Variants in SAR1A observed in about 807,000 individuals in gnomAD.
SAR1A encodes the protein secretion associated Ras related GTPase 1A.
A neutral mutation model predicts 22.6 loss-of-function variants in SAR1A; 6 were observed. That is an observed-to-expected ratio of 0.27 (90% confidence interval 0.15 to 0.52). The LOEUF (loss-of-function observed/expected upper bound fraction) is 0.52. SAR1A is among the 20% of genes least tolerant of loss of function. SAR1A has a pLI of 0.96. For missense variants in SAR1A, 145 were observed against 245.1 expected, an observed-to-expected ratio of 0.59 and a Z score of 2.73; for synonymous variants, 70 against 82.2, an observed-to-expected ratio of 0.85 and a Z score of 0.80.
At chr10:70,166,497 G>A (rs944399097) in intron 1 of SAR1A, among the ~76,000 whole-genome samples, 7 of 152,106 alleles carry the variant, frequency 4.6e-5, no homozygotes, top group Non-Finnish European at 7.3e-5. Flanking sequence ...AAATTCTACT[G>A]GCCAGCACCA....
In SAR1A at chr10:70,151,300, G is replaced by A; in HGVS notation, c.*1176C>T. 1.9e-5 allele frequency: 2 copies of A among 106,580 alleles called. No individual in the cohort carries two copies. The highest frequency in any genetic ancestry group is 1.0e-4 in the Admixed American group (1 of 9,542). 6.6% of individuals were successfully genotyped at this position (106,580 alleles called of 1,614,324 possible). Reference sequence around the variant, plus strand: ...AAAAAAAAAACCTGGAAAAGCTACAGATGTTAACCTTTACTTTAAACACCA... The same window carrying A: ...AAAAAAAAAACCTGGAAAAGCTACAAATGTTAACCTTTACTTTAAACACCA... On this transcript the variant is annotated 3_prime_UTR_variant, in exon 7 of 7. Coordinates refer to ENST00000373241, the MANE Select transcript of SAR1A (RefSeq NM_020150.5).
intron 1 of SAR1A, chr10:70,164,176 T>C (rs1377162710): frequency 3.1e-6 from 2 of 640,918 alleles, no homozygotes; most frequent in Admixed American, 2.6e-5. Flanking sequence ...AACTGTTTAT[T>C]TGCCTTTTGT....
chr10:70,160,452 A>C (rs1367820425), intron 4 of SAR1A, among the ~76,000 whole-genome samples: 1 of 152,234 alleles, frequency 6.6e-6, no homozygotes, highest in African/African-American at 2.4e-5. Flanking sequence ...AAAAATAAGC[A>C]TTAATATGTA....
In SAR1A at chr10:70,149,980, T is replaced by C. The variant is rs1174498050; in HGVS notation, c.*2496A>G. ...CTGTTGCAGAGATGACCAACAACCC[T>C]GGGTCCACAGCATGTTCCAAATCTC... is the stretch of plus-strand genomic sequence containing the variant. On this transcript the variant is annotated 3_prime_UTR_variant, in exon 7 of 7. Transcript: ENST00000373241. The C allele has an allele frequency of 2.6e-5, 4 of 152,190 alleles. No homozygotes were observed. The highest frequency in any genetic ancestry group is 5.9e-5 in the Non-Finnish European group (4 of 68,042). The allele number at this position is 152,190 out of a possible 1,614,324, so 9.4% of individuals were successfully genotyped here.
At chr10:70,166,230 A>T (rs1188181586) in intron 1 of SAR1A, among the ~76,000 whole-genome samples, 1 of 152,220 alleles carries the variant, frequency 6.6e-6, no homozygotes, top group Non-Finnish European at 1.5e-5. Flanking sequence ...CTAAACTCAC[A>T]GTATATCCGA....
intron 1 of SAR1A, among the ~76,000 whole-genome samples, chr10:70,164,554 A>C (rs979280145): frequency 1.6e-4 from 25 of 152,352 alleles, no homozygotes; most frequent in African/African-American, 5.0e-4. Context: ...TGTATTATCC[A>C]GGTACTCCCA....
intron 4 of SAR1A, among the ~76,000 whole-genome samples, chr10:70,158,911 T>C (rs1839430448): frequency 6.6e-6 from 1 of 152,214 alleles, no homozygotes; most frequent in Non-Finnish European, 1.5e-5. Flanking sequence ...CTTCTTACTT[T>C]TAACAAAACC....
chr10:70,148,940 G>A lies in SAR1A; in HGVS notation c.*3536C>T, dbSNP rs778685163. The A allele has an allele frequency of 1.3e-5, 2 of 152,298 alleles. No homozygotes were observed. Among genetic ancestry groups the A allele is most frequent in the Admixed American group, 6.5e-5 (1 of 15,284 alleles). 9.4% of individuals were successfully genotyped at this position (152,298 alleles called of 1,614,324 possible). A position where few individuals can be genotyped will look rare whatever the true frequency, so the allele number is the denominator to read the frequency against. ...AAAAAGAAGTCCCAAGTCACAGCCA[G>A]AACGCCAAAGTAAGATCTGTTGAGT... On this transcript the variant is annotated 3_prime_UTR_variant, in exon 7 of 7. Transcript: ENST00000373241.
intron 4 of SAR1A, among the ~76,000 whole-genome samples, chr10:70,160,671 T>C (rs1470917633): frequency 2.0e-5 from 3 of 152,196 alleles, no homozygotes; most frequent in Non-Finnish European, 4.4e-5. Context: ...TGTCCTGCTT[T>C]GTAAAAATTT....
rs1839597867 is a variant in SAR1A, at chr10:70,169,558, C to A, written c.-17+855G>T. 2.6e-5 allele frequency among the ~76,000 whole-genome samples: 4 copies of A among 152,256 alleles called. No homozygotes were observed. In the South Asian group the frequency reaches 8.3e-4, roughly 32 times the overall value. On this transcript the variant is annotated intron_variant, in intron 1 of 6. Transcript: ENST00000373241. ...CAAATGTTAATAGAAAAGGAGGGCA[C>A]CAATCTGACCATTAGCCAATTTAAA... is the stretch of plus-strand genomic sequence containing the variant.
At position 70,150,960 on chromosome 10, in the gene SAR1A, C is replaced by T. The variant is rs1337707592; in HGVS notation, c.*1516G>A. The T allele has an allele frequency of 6.6e-6, 1 of 152,194 alleles. No individual in the cohort carries two copies. Among genetic ancestry groups the T allele is most frequent in the East Asian group, 1.9e-4 (1 of 5,194 alleles). 9.4% of individuals were successfully genotyped at this position (152,194 alleles called of 1,614,324 possible). A position where few individuals can be genotyped will look rare whatever the true frequency, so the allele number is the denominator to read the frequency against. Reference sequence around the variant, plus strand: ...CCCTACCCTCACATTAGAATAAAGACATCCTCCCAACTTTTCATCTCCTAT... The same window carrying T: ...CCCTACCCTCACATTAGAATAAAGATATCCTCCCAACTTTTCATCTCCTAT... On this transcript the variant is annotated 3_prime_UTR_variant, in exon 7 of 7. Coordinates refer to ENST00000373241, the MANE Select transcript of SAR1A (RefSeq NM_020150.5).
intron 5 of SAR1A, among the ~76,000 whole-genome samples, chr10:70,156,376 G>A (rs1034063798): frequency 6.6e-6 from 1 of 152,136 alleles, no homozygotes; most frequent in African/African-American, 2.4e-5. Context: ...TAAACAAAGA[G>A]AATGGAGACC....
intron 1 of SAR1A, among the ~76,000 whole-genome samples, chr10:70,168,193 A>T (rs2136724991): frequency 6.6e-6 from 1 of 152,270 alleles, no homozygotes; most frequent in East Asian, 1.9e-4. Context: ...AAGGGAGGAG[A>T]TGGCTTAAAA....
intron 1 of SAR1A, among the ~76,000 whole-genome samples, chr10:70,167,064 ATAACT>A (rs1839564208): frequency 6.6e-6 from 1 of 152,178 alleles, no homozygotes. Context: ...AAGCCAGTAA[ATAACT>A]TAACTGGTAC....
intron 6 of SAR1A, 57 bp from the exon 7 acceptor site, chr10:70,152,649 A>T: frequency 8.0e-6 from 9 of 1,127,734 alleles, no homozygotes; most frequent in South Asian, 2.5e-5. Context: ...GAAAAGATTG[A>T]AAGGACGATC....
chr10:70,163,883 T>A, intron 1 of SAR1A: 6 of 1,598,374 alleles, frequency 3.8e-6, no homozygotes, highest in Non-Finnish European at 5.1e-6. Context: ...TTGACTTCCC[T>A]GAATTTCTGA....
chr10:70,161,526 T>G, intron 3 of SAR1A, 93 bp downstream of exon 3: 1 of 1,481,490 alleles, frequency 6.7e-7, no homozygotes, highest in South Asian at 1.3e-5. Flanking sequence ...GGGACTTCAG[T>G]TAATAAAAGA....
At chr10:70,167,773 G>C (rs1179387845) in intron 1 of SAR1A, among the ~76,000 whole-genome samples, 2 of 152,178 alleles carry the variant, frequency 1.3e-5, no homozygotes, top group Non-Finnish European at 2.9e-5. Context: ...AGTTTGGGTG[G>C]ATACATACTA....
intron 4 of SAR1A, among the ~76,000 whole-genome samples, 171 bp from the exon 5 acceptor site, chr10:70,158,038 G>A (rs577625311): frequency 2.0e-5 from 3 of 152,178 alleles, no homozygotes; most frequent in Non-Finnish European, 2.9e-5. Flanking sequence ...GCAAACTGAT[G>A]GTCCATGAGC....
Sources: gnomAD v4.1 joint callset for allele counts (sites outside exome capture counted in the v4.1 genomes callset) on GRCh38, gnomAD v4.1.1 for gene constraint, MANE v1.5 for transcripts, NCBI Gene and HGNC (gene_info 2026-07-23, HGNC 2026-07-21) for gene names.